Variants in RYR2 observed in about 807,000 individuals in gnomAD.
The protein encoded by RYR2 is cardiac muscle ryanodine receptor-calcium release channel.
A neutral mutation model predicts 601.1 loss-of-function variants in RYR2; 227 were observed. The observed-to-expected ratio is 0.38, with a 90% confidence interval of 0.34 to 0.42. The LOEUF is 0.42. Among genes scored for constraint, RYR2 ranks in the 10% least tolerant of loss-of-function variants. The pLI is 1.00. For missense variants in RYR2, 4,646 were observed against 6,156.5 expected (o/e 0.75, Z 8.21); for synonymous variants, 2,223 against 2,175.1 (o/e 1.02, Z -0.61).
intron 1 of RYR2, among the ~76,000 whole-genome samples, chr1:237,117,888 G>T (rs1481960611): frequency 6.6e-6 from 1 of 152,136 alleles, no homozygotes; most frequent in African/African-American, 2.4e-5. Context: ...TGGGTTACAG[G>T]CATGCACCAC....
chr1:237,539,462 T>C lies in RYR2; in HGVS notation c.2906+8952T>C, dbSNP rs997557149. Among the ~76,000 whole-genome samples the C allele has an allele frequency of 3.3e-5, 5 of 152,366 alleles. No individual in the cohort carries two copies. The East Asian group carries it at 7.7e-4, about 23-fold the overall frequency. The stretch of plus-strand genomic sequence containing the variant: ...CTTTTGCATATATTTTAGAGACATT[T>C]TGATAATCGGTCAAGTTCAATATAT... On this transcript the variant is annotated intron_variant, in intron 25 of 104. Coordinates refer to ENST00000366574, the MANE Select transcript of RYR2 (RefSeq NM_001035.3).
chr1:237,827,219 G>A (rs790894), intron 101 of RYR2, among the ~76,000 whole-genome samples: 1 of 151,988 alleles, frequency 6.6e-6, no homozygotes, highest in Non-Finnish European at 1.5e-5. Flanking sequence ...TTATAACTTC[G>A]AAGAAAGTGT....
intron 34 of RYR2, among the ~76,000 whole-genome samples, chr1:237,600,349 G>A (rs182789107): frequency 7.1e-4 from 108 of 152,286 alleles, no homozygotes; most frequent in Non-Finnish European, 1.2e-3. Flanking sequence ...ACACATTGGG[G>A]AAAGGACAGT....
intron 10 of RYR2, among the ~76,000 whole-genome samples, chr1:237,395,882 G>A (rs910471665): frequency 6.6e-6 from 1 of 151,800 alleles, no homozygotes; most frequent in African/African-American, 2.4e-5. Context: ...TTCACTTCCC[G>A]CATCCCATAG....
chr1:237,384,478 AACACATTCCCCTTATC>A (rs1313979585), intron 8 of RYR2, among the ~76,000 whole-genome samples: 2 of 152,232 alleles, frequency 1.3e-5, no homozygotes, highest in South Asian at 2.1e-4. Context: ...TCTTGTCTTC[AACACATTCCCCTTATC>A]ACACATTCCC....
At chr1:237,619,804 A>G (rs1273224021) in intron 38 of RYR2, among the ~76,000 whole-genome samples, 1 of 152,124 alleles carries the variant, frequency 6.6e-6, no homozygotes, top group Non-Finnish European at 1.5e-5. Context: ...TGGCACAGCA[A>G]TTTTCAAATG....
At chr1:237,167,882 A>G (rs2148891316) in intron 1 of RYR2, among the ~76,000 whole-genome samples, 1 of 152,222 alleles carries the variant, frequency 6.6e-6, no homozygotes, top group African/African-American at 2.4e-5. Flanking sequence ...ACATGCCACT[A>G]TGCCAGTCCA....
intron 14 of RYR2, among the ~76,000 whole-genome samples, chr1:237,453,218 C>T (rs907539761): frequency 2.0e-5 from 3 of 151,798 alleles, no homozygotes; most frequent in Non-Finnish European, 2.9e-5. Flanking sequence ...CTTATAGAGG[C>T]GATAAAACTT....
At chr1:237,585,451 A>G (rs1205523068) in intron 29 of RYR2, among the ~76,000 whole-genome samples, 1 of 152,184 alleles carries the variant, frequency 6.6e-6, no homozygotes, top group African/African-American at 2.4e-5. Context: ...TTCATTACGC[A>G]GGATACTTTG....
intron 54 of RYR2, among the ~76,000 whole-genome samples, chr1:237,658,906 C>G (rs1306559945): frequency 1.3e-5 from 2 of 152,130 alleles, no homozygotes; most frequent in South Asian, 2.1e-4. Flanking sequence ...GTAGCTGCAT[C>G]TATGAGATAA....
chr1:237,643,393 G>A lies in RYR2; in HGVS notation c.7288G>A (p.Gly2430Arg). 1.2e-6 allele frequency: 2 copies of A among 1,613,744 alleles called. No individual in the cohort carries two copies. Among genetic ancestry groups the A allele is most frequent in the Non-Finnish European group, 1.7e-6 (2 of 1,179,810 alleles). The change falls in exon 48 of 105, where the codon GGA becomes AGA. Residue 2430 changes from glycine (G) to arginine (R), a missense_variant. Gly to Arg is a moderately radical substitution (Grantham distance 125). Around this residue, in one of 17 missense-constraint regions of RYR2, gnomAD observed 1,497 missense variants for 1,842.6 expected, o/e 0.81. Transcript: ENST00000366574. ...CATTTTGAGATCCCTCATTCCCCTG[G>A]GAGATTTGGTGGGCGTTATCAGCAT... The part of the protein sequence containing the change: ...RSILRSLIPL[G>R]DLVGVISIAF...
At chr1:237,665,483 T>C (rs1249985022) in intron 56 of RYR2, among the ~76,000 whole-genome samples, 1 of 151,844 alleles carries the variant, frequency 6.6e-6, no homozygotes, top group Non-Finnish European at 1.5e-5. Flanking sequence ...TGGCAGTCCC[T>C]GAAACCAGGA....
chr1:237,067,533 G>A (rs1484400889), intron 1 of RYR2, among the ~76,000 whole-genome samples: 2 of 152,146 alleles, frequency 1.3e-5, no homozygotes, highest in Admixed American at 1.3e-4. Flanking sequence ...GTTGATTACT[G>A]TAGCTATATA....
At chr1:237,137,649 GA>G in intron 1 of RYR2, among the ~76,000 whole-genome samples, 1 of 152,174 alleles carries the variant, frequency 6.6e-6, no homozygotes, top group Non-Finnish European at 1.5e-5. Context: ...TAAGATGTGC[GA>G]CGTGGCATCC....
At chr1:237,545,130 T>C (rs901209491) in intron 25 of RYR2, among the ~76,000 whole-genome samples, 1 of 152,218 alleles carries the variant, frequency 6.6e-6, no homozygotes, top group African/African-American at 2.4e-5. Context: ...ATTGGGCTAC[T>C]TAAACAGATG....
At chr1:237,618,195 T>C (rs1219928313) in intron 38 of RYR2, among the ~76,000 whole-genome samples, 1 of 152,194 alleles carries the variant, frequency 6.6e-6, no homozygotes, top group Non-Finnish European at 1.5e-5. Flanking sequence ...AATTTTTTTT[T>C]TTCTCACCAG....
intron 1 of RYR2, among the ~76,000 whole-genome samples, chr1:237,269,372 A>AT (rs1232916838): frequency 6.6e-6 from 1 of 151,936 alleles, no homozygotes; most frequent in Non-Finnish European, 1.5e-5. Flanking sequence ...TTAGCTAAAA[A>AT]TAAAAAAAAA....
Position 237,709,412 on chromosome 1 carries a change from TG to T in RYR2, c.10143-66del, listed in dbSNP as rs1383011343. ...GTCAGTACATTTAACTTTGGGGGGA[TG>T]GTTTTTTTTTTTTAAATTAACTTTA... On this transcript the variant is annotated intron_variant, in intron 69 of 104. Coordinates refer to ENST00000366574, the MANE Select transcript of RYR2 (RefSeq NM_001035.3). The T allele has an allele frequency of 3.2e-3, 2,885 of 906,304 alleles. 40 individuals carry two copies. In the African/African-American group the frequency reaches 0.048, roughly 15 times the overall value. The allele number at this position is 906,304 out of a possible 1,614,324, so 56.1% of individuals were successfully genotyped here.
At chr1:237,791,386 C>A (rs2149378769) in intron 92 of RYR2, 43 bp from the exon 93 acceptor site, 2 of 989,410 alleles carry the variant, frequency 2.0e-6, no homozygotes, top group Non-Finnish European at 3.2e-6. Flanking sequence ...AGGTTTCAAG[C>A]CTGTTGATTC....
Sources: gnomAD v4.1 joint callset for allele counts (sites outside exome capture counted in the v4.1 genomes callset) on GRCh38, gnomAD v4.1.1 for gene constraint, gnomAD v4.1.1 regional missense constraint, MANE v1.5 for transcripts, NCBI Gene and HGNC (gene_info 2026-07-23, HGNC 2026-07-21) for gene names.